RAB27B: variants seen among roughly 807,000 people sequenced by gnomAD.
RAB27B encodes RAB27B, member RAS oncogene family, also known as ras-related protein Rab-27B.
In RAB27B, 15 loss-of-function variants were observed where a neutral mutation model predicts 24.6. The ratio of observed to expected loss-of-function variants is 0.61; its 90% CI spans 0.41 to 0.94. RAB27B has a LOEUF of 0.94. RAB27B is among the 40% of genes least tolerant of loss of function. RAB27B has a pLI of 0.00. For synonymous variants in RAB27B, 105 were observed against 92.5 expected, an observed-to-expected ratio of 1.14 and a Z score of -0.78; for missense variants, 261 against 266.8, an observed-to-expected ratio of 0.98 and a Z score of 0.15.
intron 1 of RAB27B, among the ~76,000 whole-genome samples, chr18:54,852,744 A>G (rs891465072): frequency 1.3e-5 from 2 of 152,240 alleles, no homozygotes; most frequent in Admixed American, 6.5e-5. Flanking sequence ...TCTTTTGCTA[A>G]TGAACCTTAT....
At chr18:54,804,899 TC>T (rs747576466) in intron 2 of RAB27B, among the ~76,000 whole-genome samples, 32,232 of 76,248 alleles carry the variant, frequency 0.42, 4,540 homozygotes, top group East Asian at 0.62. Flanking sequence ...TTTCTCTTTC[TC>T]TCTCTCTTTC....
At chr18:54,731,655 A>G (rs1055141098) in intron 2 of RAB27B, among the ~76,000 whole-genome samples, 1 of 152,154 alleles carries the variant, frequency 6.6e-6, no homozygotes, top group Non-Finnish European at 1.5e-5. Flanking sequence ...GAGAGGCAAC[A>G]AGAGTGAAAT....
At chr18:54,820,517 C>A (rs1910272369) in intron 2 of RAB27B, among the ~76,000 whole-genome samples, 3 of 152,068 alleles carry the variant, frequency 2.0e-5, no homozygotes, top group Admixed American at 2.0e-4. Flanking sequence ...TGGATATTAG[C>A]CCTTTGTCAG....
rs192042548 is a variant in RAB27B at position 54,857,967 on chromosome 18, T to C, written c.-19-19600T>C. Among the ~76,000 whole-genome samples the C allele has an allele frequency of 1.3e-3, 196 of 152,338 alleles. 1 individual carries two copies. The Middle Eastern group carries it at 0.027, about 21-fold the overall frequency. The stretch of plus-strand genomic sequence containing the variant: ...GTTAGATTTATAAAACTAGTTTCCA[T>C]TTTAGATCCCAGGGAAAATCAGCTC... On this transcript the variant is annotated intron_variant, in intron 1 of 5. Coordinates refer to ENST00000262094, the MANE Select transcript of RAB27B (RefSeq NM_004163.4).
intron 1 of RAB27B, among the ~76,000 whole-genome samples, chr18:54,837,075 T>C (rs1910923472): frequency 6.6e-6 from 1 of 150,902 alleles, no homozygotes; most frequent in Non-Finnish European, 1.5e-5. Flanking sequence ...CAGTAAGATA[T>C]AGTTCCTACT....
chr18:54,869,345 T>C (rs1271563396), intron 1 of RAB27B, among the ~76,000 whole-genome samples: 1 of 152,200 alleles, frequency 6.6e-6, no homozygotes, highest in Non-Finnish European at 1.5e-5. Context: ...ACACATTGAA[T>C]TCAGGCAAAA....
chr18:54,783,383 G>A (rs547907734), intron 2 of RAB27B, among the ~76,000 whole-genome samples: 7 of 151,952 alleles, frequency 4.6e-5, no homozygotes, highest in Middle Eastern at 6.8e-3. Context: ...GATTTTTATG[G>A]CTCTGATAGC....
At chr18:54,814,407 C>T (rs142379675) in intron 2 of RAB27B, among the ~76,000 whole-genome samples, 2 of 152,234 alleles carry the variant, frequency 1.3e-5, no homozygotes, top group African/African-American at 4.8e-5. Flanking sequence ...GGAATAGGGT[C>T]GAATGGAGGA....
At chr18:54,717,945 T>C (rs1156853861) in intron 1 of RAB27B, 1 of 152,224 alleles carries the variant, frequency 6.6e-6, no homozygotes, top group Non-Finnish European at 1.5e-5. Context: ...GGTATTTACT[T>C]GCTATTTATC....
chr18:54,746,974 G>A (rs62091634), intron 2 of RAB27B, among the ~76,000 whole-genome samples: 7,232 of 152,188 alleles, frequency 0.048, 244 homozygotes, highest in Non-Finnish European at 0.068. Flanking sequence ...TCCTGATAGT[G>A]AAGAAAAACA....
chr18:54,851,699 A>C (rs564853344), intron 1 of RAB27B, among the ~76,000 whole-genome samples: 100 of 151,634 alleles, frequency 6.6e-4, no homozygotes, highest in African/African-American at 2.3e-3. Flanking sequence ...TTTTTTCTGC[A>C]TTGGAATCAT....
At chr18:54,784,129 CAATT>C (rs1200179290) in intron 2 of RAB27B, among the ~76,000 whole-genome samples, 1 of 152,102 alleles carries the variant, frequency 6.6e-6, no homozygotes, top group Non-Finnish European at 1.5e-5. Flanking sequence ...GAGAGTCATG[CAATT>C]AATTAAAACA....
chr18:54,756,113 C>T (rs771199951), intron 2 of RAB27B, among the ~76,000 whole-genome samples: 10 of 152,232 alleles, frequency 6.6e-5, no homozygotes, highest in Middle Eastern at 3.4e-3. Flanking sequence ...GTAGTATTAT[C>T]GACCTACTGA....
chr18:54,791,198 T>C (rs1909235013), intron 2 of RAB27B, among the ~76,000 whole-genome samples: 1 of 151,234 alleles, frequency 6.6e-6, no homozygotes, highest in African/African-American at 2.4e-5. Context: ...TCTAGAGCAT[T>C]AAAAAAAGAA....
chr18:54,870,259 A>G (rs1003798028), intron 1 of RAB27B, among the ~76,000 whole-genome samples: 1 of 152,178 alleles, frequency 6.6e-6, no homozygotes, highest in African/African-American at 2.4e-5. Flanking sequence ...GAACAAGTAA[A>G]ATTTATTTCA....
intron 2 of RAB27B, among the ~76,000 whole-genome samples, chr18:54,801,768 T>G (rs1422752081): frequency 6.6e-6 from 1 of 152,198 alleles, no homozygotes. Context: ...GGCCTCACTG[T>G]GAGAACCACT....
chr18:54,889,677 G>A lies in RAB27B; in HGVS notation c.*264G>A, dbSNP rs181022498. On this transcript the variant is annotated 3_prime_UTR_variant, in exon 6 of 6. Transcript: ENST00000262094. The stretch of plus-strand genomic sequence containing the variant: ...TACTCAATTTGTTTTTTCTTATAGA[G>A]AAAATGAGTATATAAGACAATATAC... The A allele has an allele frequency of 6.9e-5, 21 of 305,438 alleles. No individual in the cohort carries two copies. In the East Asian group the frequency reaches 1.2e-3, roughly 18 times the overall value. 18.9% of individuals were successfully genotyped at this position (305,438 alleles called of 1,614,324 possible). A position where few individuals can be genotyped will look rare whatever the true frequency, so the allele number is the denominator to read the frequency against.
At chr18:54,796,162 C>T (rs906183683) in intron 2 of RAB27B, among the ~76,000 whole-genome samples, 18 of 152,236 alleles carry the variant, frequency 1.2e-4, no homozygotes, top group Non-Finnish European at 2.1e-4. Context: ...TCCTCAAACC[C>T]CTGGAGGAAG....
chr18:54,779,719 A>G (rs1037013903), intron 2 of RAB27B, among the ~76,000 whole-genome samples: 1 of 152,210 alleles, frequency 6.6e-6, no homozygotes, highest in African/African-American at 2.4e-5. Flanking sequence ...GGTCCCACCT[A>G]AGACCTATTG....
Sources: gnomAD v4.1 joint callset for allele counts (sites outside exome capture counted in the v4.1 genomes callset) on GRCh38, gnomAD v4.1.1 for gene constraint, MANE v1.5 for transcripts, NCBI Gene and HGNC (gene_info 2026-07-23, HGNC 2026-07-21) for gene names.